TSPAN6: variants seen among roughly 807,000 people sequenced by gnomAD.
The protein encoded by TSPAN6 is tetraspanin-6.
A neutral mutation model predicts 18.0 loss-of-function variants in TSPAN6; 13 were observed. The observed-to-expected ratio is 0.72, with a 90% CI of 0.47 to 1.15. TSPAN6 has a LOEUF of 1.15. TSPAN6 is among the 50% of genes most tolerant of loss of function. The pLI, the probability that TSPAN6 is intolerant of heterozygous loss-of-function variation, is 0.00. For synonymous variants in TSPAN6, 82 were observed against 67.0 expected, an observed-to-expected ratio of 1.22 and a Z score of -1.09; for missense variants, 186 against 183.9, an observed-to-expected ratio of 1.01 and a Z score of -0.07.
chrX:100,630,090 T>C (rs1357337711), intron 7 of TSPAN6, 104 bp from the exon 8 acceptor site: 7 of 424,555 alleles, frequency 1.6e-5, no homozygotes, highest in African/African-American at 1.3e-4. Context: ...GACCTTCCTA[T>C]GTGTTCCTAG....
chrX:100,635,067 T>A, intron 3 of TSPAN6, 111 bp downstream of exon 3: 4 of 541,916 alleles, frequency 7.4e-6, no homozygotes, highest in Non-Finnish European at 1.2e-5. Flanking sequence ...AAGGCCATTA[T>A]TGTCAGCTAC....
rs376851748 is a variant in TSPAN6, at chrX:100,633,974, G to A, written c.407C>T (p.Thr136Ile). Residue 136 changes from threonine (T) to isoleucine (I), a missense_variant, in exon 4 of 8, where the codon ACA becomes ATA. By Grantham distance (89) the Thr-to-Ile change is moderately conservative. Coordinates refer to ENST00000373020, the MANE Select transcript of TSPAN6 (RefSeq NM_003270.4). ...YEKALKQYNS[T>I]GDYRSHAVDK... ...TACTGCATGGCTTCTATAATCTCCT[G>A]TAGAGTTATACTGCTTCAAAGCCTT... The A allele has an allele frequency of 9.2e-6, 11 of 1,202,163 alleles. No individual in the cohort carries two copies. In the South Asian group the frequency reaches 1.6e-4, roughly 17 times the overall value.
In TSPAN6 at chrX:100,629,488, C is replaced by T. The variant is rs1265660118; in HGVS notation, c.*538G>A. On this transcript the variant is annotated 3_prime_UTR_variant, in exon 8 of 8. Coordinates refer to ENST00000373020, the MANE Select transcript of TSPAN6 (RefSeq NM_003270.4). ...AGAGAGTCATAAAACATTTTAACTTCTTGGTGCAAATTATACAATCAAACC... is the reference window on the plus strand; with the variant it reads ...AGAGAGTCATAAAACATTTTAACTTTTTGGTGCAAATTATACAATCAAACC... The T allele has an allele frequency of 8.9e-6, 1 of 111,965 alleles. No individual in the cohort carries two copies. Among genetic ancestry groups the T allele is most frequent in the South Asian group, 3.8e-4 (1 of 2,637 alleles). 9.2% of individuals were successfully genotyped at this position (111,965 alleles called of 1,213,427 possible). A position where few individuals can be genotyped will look rare whatever the true frequency, so the allele number is the denominator to read the frequency against.
Position 100,636,525 on chromosome X carries a change from T to A in TSPAN6, c.87+83A>T, listed in dbSNP as rs995372870. On this transcript the variant is annotated intron_variant, in intron 1 of 7. Coordinates refer to ENST00000373020, the MANE Select transcript of TSPAN6 (RefSeq NM_003270.4). ...CCCAAACCCCACACCGTTCCCGACCTGAGCTCCCGCCGCTCAGGGTCACAC... is the reference window on the plus strand; with the variant it reads ...CCCAAACCCCACACCGTTCCCGACCAGAGCTCCCGCCGCTCAGGGTCACAC... 149 of 1,097,197 alleles carry A rather than the reference T, an allele frequency of 1.4e-4. No individual in the cohort carries two copies. The African/African-American group carries it at 2.4e-3, about 18-fold the overall frequency. The allele number at this position is 1,097,197 out of a possible 1,213,427, so 90.4% of individuals were successfully genotyped here.
intron 1 of TSPAN6, chrX:100,636,290 G>A: frequency 1.1e-6 from 1 of 872,074 alleles, no homozygotes; most frequent in Non-Finnish European, 1.4e-6. Flanking sequence ...CCTTTGCAAA[G>A]GTCCAGGGTC....
At chrX:100,631,767 T>C (rs2147626008) in intron 6 of TSPAN6, among the ~76,000 whole-genome samples, 1 of 112,401 alleles carries the variant, frequency 8.9e-6, no homozygotes, top group African/African-American at 3.2e-5. Context: ...TGAGCTATGA[T>C]ACTGGAAAGT....
chrX:100,636,464 T>C, intron 1 of TSPAN6, 144 bp downstream of exon 1: 2 of 1,016,198 alleles, frequency 2.0e-6, no homozygotes, highest in Non-Finnish European at 1.3e-6. Context: ...GCCCAGTCAC[T>C]GGTCGCCGGC....
intron 5 of TSPAN6, among the ~76,000 whole-genome samples, 154 bp downstream of exon 5, chrX:100,633,251 G>A (rs933512777): frequency 5.4e-5 from 6 of 111,590 alleles, no homozygotes; most frequent in Non-Finnish European, 7.5e-5. Flanking sequence ...CCTGGAAGGC[G>A]GAGCTTGCAG....
intron 1 of TSPAN6, among the ~76,000 whole-genome samples, chrX:100,635,982 A>C (rs1220363713): frequency 8.9e-6 from 1 of 112,096 alleles, no homozygotes; most frequent in Non-Finnish European, 1.9e-5. Context: ...AGCCCATGGC[A>C]TATTTGCCCT....
In TSPAN6 at chrX:100,633,442, C is replaced by A; in HGVS notation, c.548G>T (p.Cys183Phe). 1 of 1,209,019 alleles carries A rather than the reference C, an allele frequency of 8.3e-7. No individual in the cohort carries two copies. The highest frequency in any genetic ancestry group is 1.8e-5 in the South Asian group (1 of 56,568). Residue 183 changes from cysteine (C) to phenylalanine (F), a missense_variant, in exon 5 of 8, where the codon TGT (cysteine) becomes TTT (phenylalanine). Cys to Phe is a radical substitution (Grantham distance 205). Coordinates refer to ENST00000373020, the MANE Select transcript of TSPAN6 (RefSeq NM_003270.4). ...FPKSCCKLED[C>F]TPQRDADKVN... ...TTTGTCTGCATCTCTCTGTGGAGTACAATCTTCAAGTTTACAGCAACTCTT... is the reference window on the plus strand; with the variant it reads ...TTTGTCTGCATCTCTCTGTGGAGTAAAATCTTCAAGTTTACAGCAACTCTT...
chrX:100,632,643 C>G, intron 5 of TSPAN6, 75 bp from the exon 6 acceptor site: 1 of 639,627 alleles, frequency 1.6e-6, no homozygotes. Flanking sequence ...ATAAATACTT[C>G]GATCATATAA....
chrX:100,632,576 G>T lies in TSPAN6; in HGVS notation c.586-8C>A, dbSNP rs755030835. 1 of 1,162,833 alleles carries T rather than the reference G, an allele frequency of 8.6e-7. No individual in the cohort carries two copies. The highest frequency in any genetic ancestry group is 3.0e-5 in the East Asian group (1 of 33,492). On this transcript the variant is annotated splice_region_variant and splice_polypyrimidine_tract_variant and intron_variant, in intron 5 of 7. Coordinates refer to ENST00000373020, the MANE Select transcript of TSPAN6 (RefSeq NM_003270.4). ...CACCTTTATAAAACAACCCTAATGG[G>T]AGGAAAAAAACAAAGATTAAATACA...
chrX:100,630,738 T>C, intron 7 of TSPAN6, 21 bp downstream of exon 7: 1 of 1,121,842 alleles, frequency 8.9e-7, no homozygotes, highest in South Asian at 1.9e-5. Flanking sequence ...CTAACAGAGC[T>C]GAGGACCAAA....
chrX:100,633,262 T>A (rs1022484284), intron 5 of TSPAN6, 143 bp downstream of exon 5: 3 of 487,756 alleles, frequency 6.2e-6, no homozygotes, highest in Non-Finnish European at 9.9e-6. Flanking sequence ...GAGCTTGCAG[T>A]GAGCCGAGAA....
intron 1 of TSPAN6, chrX:100,636,134 G>A (rs1015646637): frequency 1.3e-6 from 1 of 782,954 alleles, no homozygotes; most frequent in Admixed American, 7.6e-5. Context: ...CAAAGGACTG[G>A]TACACAAAAG....
chrX:100,633,458 A>G lies in TSPAN6; in HGVS notation c.532T>C (p.Cys178Arg). The change falls in exon 5 of 8, where the codon TGT becomes CGT. Residue 178 changes from cysteine (C) to arginine (R), a missense_variant. By Grantham distance (180) the Cys-to-Arg change is radical. Transcript: ENST00000373020. Reference sequence around the variant, plus strand: ...TGTGGAGTACAATCTTCAAGTTTACAGCAACTCTTAGGAAATCCTTTTTCT... The same window carrying G: ...TGTGGAGTACAATCTTCAAGTTTACGGCAACTCTTAGGAAATCCTTTTTCT... ...YSEKGFPKSC[C>R]KLEDCTPQRD... is the part of the protein sequence containing the mutation. The G allele has an allele frequency of 8.3e-7, 1 of 1,207,549 alleles. No homozygotes were observed. The highest frequency in any genetic ancestry group is 3.0e-5 in the East Asian group (1 of 33,819).
At position 100,628,838 on chromosome X, in the gene TSPAN6, G is replaced by T. The variant is rs957843429; in HGVS notation, c.*1188C>A. ...TACATAGGTATACATGTGCCATGGT[G>T]GTTTGCTGCACCTATGGGAACAGTT... On this transcript the variant is annotated 3_prime_UTR_variant, in exon 8 of 8. Transcript: ENST00000373020. 9.0e-6 allele frequency: 1 copy of T among 111,640 alleles called. No homozygotes were observed. The highest frequency in any genetic ancestry group is 1.9e-5 in the Non-Finnish European group (1 of 53,170). The allele number at this position is 111,640 out of a possible 1,213,427, so 9.2% of individuals were successfully genotyped here.
chrX:100,632,241 C>T (rs1324271084), intron 6 of TSPAN6, among the ~76,000 whole-genome samples: 1 of 110,790 alleles, frequency 9.0e-6, no homozygotes, highest in Non-Finnish European at 1.9e-5. Context: ...CCCAACTCTA[C>T]TAAAAATACA....
rs1251087967 is a variant in TSPAN6 at position 100,635,749 on chromosome X, A to G, written c.88-3T>C. 1 of 1,159,556 alleles carries G rather than the reference A, an allele frequency of 8.6e-7. No homozygotes were observed. ...GCAAGAAGGATAACGCCAGTGATCT[A>G]TGTGGGAATTCAGAGAATACAAACA... On this transcript the variant is annotated splice_polypyrimidine_tract_variant and splice_region_variant and intron_variant, in intron 1 of 7. Transcript: ENST00000373020.
Sources: gnomAD v4.1 joint callset for allele counts (sites outside exome capture counted in the v4.1 genomes callset) on GRCh38, gnomAD v4.1.1 for gene constraint, MANE v1.5 for transcripts, NCBI Gene and HGNC (gene_info 2026-07-23, HGNC 2026-07-21) for gene names.